RARB: variants seen among roughly 807,000 people sequenced by gnomAD.
The protein encoded by RARB is HBV-activated protein.
Under a neutral mutation model 51.9 loss-of-function variants are expected in RARB, and 17 were observed. The observed-to-expected ratio is 0.33, with a 90% confidence interval of 0.22 to 0.49. RARB has a LOEUF of 0.49. Among genes scored for constraint, RARB ranks in the 20% least tolerant of loss-of-function variants. The pLI is 0.99. For synonymous variants in RARB, 215 were observed against 195.4 expected, an observed-to-expected ratio of 1.10 and a Z score of -0.84; for missense variants, 369 against 550.8, an observed-to-expected ratio of 0.67 and a Z score of 3.30.
chr3:25,117,517 C>A (rs987429851), intron 3 of RARB, among the ~76,000 whole-genome samples: 2 of 152,138 alleles, frequency 1.3e-5, no homozygotes, highest in South Asian at 4.2e-4. Context: ...ATCCAAAGGC[C>A]AAAGGAAGCC....
chr3:25,425,846 A>G (rs932128713), upstream of RARB, among the ~76,000 whole-genome samples: 1 of 152,154 alleles, frequency 6.6e-6, no homozygotes, highest in African/African-American at 2.4e-5. Flanking sequence ...CTTCCCTGGG[A>G]CCAGTGCATC....
intron 2 of RARB, among the ~76,000 whole-genome samples, chr3:24,981,233 CACTTG>C (rs1232877375): frequency 2.0e-5 from 3 of 152,204 alleles, no homozygotes; most frequent in African/African-American, 7.2e-5. Flanking sequence ...GTCAGGGACC[CACTTG>C]AGGAGGCAGT....
At chr3:25,350,046 G>A (rs1368889735) in intron 5 of RARB, among the ~76,000 whole-genome samples, 4 of 152,104 alleles carry the variant, frequency 2.6e-5, no homozygotes, top group Non-Finnish European at 5.9e-5. Context: ...CGGGGTAGTA[G>A]GGCTTCTTAC....
chr3:25,179,419 C>G (rs1332780077), intron 5 of RARB, among the ~76,000 whole-genome samples: 1 of 152,170 alleles, frequency 6.6e-6, no homozygotes, highest in African/African-American at 2.4e-5. Context: ...TAAACTTATG[C>G]AATGACTCTA....
intron 2 of RARB, among the ~76,000 whole-genome samples, chr3:24,885,223 G>C (rs964419801): frequency 1.3e-5 from 2 of 152,046 alleles, no homozygotes; most frequent in Non-Finnish European, 1.5e-5. Context: ...GATCAAGTAT[G>C]AGAGAGAGAG....
At chr3:25,366,796 AGAGC>A (rs1706133463) in intron 5 of RARB, among the ~76,000 whole-genome samples, 2 of 152,214 alleles carry the variant, frequency 1.3e-5, no homozygotes, top group South Asian at 4.1e-4. Flanking sequence ...GTCTCCAGTG[AGAGC>A]ATTTCCTAAA....
At chr3:25,314,027 C>T (rs1704353649) in intron 5 of RARB, among the ~76,000 whole-genome samples, 1 of 152,020 alleles carries the variant, frequency 6.6e-6, no homozygotes, top group African/African-American at 2.4e-5. Flanking sequence ...GCTATGATCA[C>T]ACCACTGCAC....
chr3:25,351,639 C>T (rs1275017578), intron 5 of RARB, among the ~76,000 whole-genome samples: 3 of 152,076 alleles, frequency 2.0e-5, no homozygotes, highest in Non-Finnish European at 4.4e-5. Context: ...TGGGCGTTTT[C>T]AAAAGAGGTT....
At chr3:25,183,485 G>T (rs1477774277) in intron 5 of RARB, among the ~76,000 whole-genome samples, 1 of 151,778 alleles carries the variant, frequency 6.6e-6, no homozygotes, top group Non-Finnish European at 1.5e-5. Flanking sequence ...TAAAACCTTT[G>T]CCTCAAAACC....
chr3:25,466,319 C>T (rs986926688), intron 2 of RARB, among the ~76,000 whole-genome samples: 2 of 152,160 alleles, frequency 1.3e-5, no homozygotes, highest in Admixed American at 1.3e-4. Flanking sequence ...TCCCGAGTAG[C>T]TGGGATTACA....
At chr3:25,571,776 G>A (rs774376259) in intron 4 of RARB, among the ~76,000 whole-genome samples, 5 of 152,192 alleles carry the variant, frequency 3.3e-5, no homozygotes, top group Non-Finnish European at 7.3e-5. Flanking sequence ...GGAATAATGT[G>A]AAATAGTTGG....
intron 5 of RARB, among the ~76,000 whole-genome samples, chr3:25,414,287 A>G (rs916472177): frequency 2.0e-5 from 3 of 152,182 alleles, no homozygotes; most frequent in Admixed American, 6.5e-5. Flanking sequence ...TTTCCATTGT[A>G]TGGATATACC....
At chr3:25,519,156 T>C (rs753144636) in intron 3 of RARB, among the ~76,000 whole-genome samples, 1 of 152,212 alleles carries the variant, frequency 6.6e-6, no homozygotes, top group African/African-American at 2.4e-5. Flanking sequence ...ATTTTATAGA[T>C]AGGCTTTTCT....
chr3:25,059,653 G>C (rs1238361910), intron 2 of RARB, among the ~76,000 whole-genome samples: 1 of 151,750 alleles, frequency 6.6e-6, no homozygotes, highest in Non-Finnish European at 1.5e-5. Flanking sequence ...TATGAGCATT[G>C]TGGAGACAAA....
At chr3:24,866,224 C>T (rs1013269666) in intron 2 of RARB, among the ~76,000 whole-genome samples, 7 of 152,064 alleles carry the variant, frequency 4.6e-5, no homozygotes, top group African/African-American at 9.7e-5. Context: ...CCAGTCCTAA[C>T]GGCTTGTAAT....
At chr3:25,316,147 T>A (rs9844533) in intron 5 of RARB, among the ~76,000 whole-genome samples, 3 of 151,456 alleles carry the variant, frequency 2.0e-5, no homozygotes, top group African/African-American at 4.9e-5. Flanking sequence ...GCTTTTTTTA[T>A]GAGGCACCTT....
At chr3:25,556,597 A>C (rs2125673886) in intron 3 of RARB, among the ~76,000 whole-genome samples, 1 of 152,304 alleles carries the variant, frequency 6.6e-6, no homozygotes, top group South Asian at 2.1e-4. Flanking sequence ...TGGTCCTATA[A>C]ATTACTGGCT....
intron 3 of RARB, among the ~76,000 whole-genome samples, chr3:25,507,953 A>T (rs1368836885): frequency 6.6e-6 from 1 of 152,130 alleles, no homozygotes; most frequent in Admixed American, 6.5e-5. Context: ...CCACCCCCTC[A>T]TTCCAGCTCC....
intron 5 of RARB, among the ~76,000 whole-genome samples, chr3:25,180,092 T>A (rs1700832262): frequency 6.6e-6 from 1 of 152,146 alleles, no homozygotes; most frequent in Non-Finnish European, 1.5e-5. Context: ...GTCTCAATTG[T>A]GGAAGTATGT....
Sources: gnomAD v4.1 joint callset for allele counts (sites outside exome capture counted in the v4.1 genomes callset) on GRCh38, gnomAD v4.1.1 for gene constraint, MANE v1.5 for transcripts, NCBI Gene and HGNC (gene_info 2026-07-23, HGNC 2026-07-21) for gene names.